Variants in PRLR observed in about 807,000 individuals in gnomAD.
PRLR encodes the protein hPRL receptor.
In PRLR, 13 loss-of-function variants were observed where a neutral mutation model predicts 40.2. That is an observed-to-expected ratio of 0.32 (90% CI 0.21 to 0.51). The LOEUF (loss-of-function observed/expected upper bound fraction) is 0.51. PRLR is among the 20% of genes least tolerant of loss of function. PRLR has a pLI of 0.97. For missense variants in PRLR, 656 were observed against 747.3 expected (o/e 0.88, Z 1.42); for synonymous variants, 269 against 278.7 (o/e 0.97, Z 0.35).
chr5:35,114,960 G>A (rs889703298), intron 2 of PRLR, among the ~76,000 whole-genome samples: 2 of 152,104 alleles, frequency 1.3e-5, no homozygotes, highest in African/African-American at 4.8e-5. Flanking sequence ...GGTGATGTTG[G>A]GCTGCACCTC....
At chr5:35,098,806 A>T (rs923917841) in intron 2 of PRLR, among the ~76,000 whole-genome samples, 2 of 152,210 alleles carry the variant, frequency 1.3e-5, no homozygotes, top group African/African-American at 4.8e-5. Context: ...CAGAATCATT[A>T]CAGAATCATG....
chr5:35,141,021 C>T (rs924871839), intron 1 of PRLR, among the ~76,000 whole-genome samples: 1 of 152,132 alleles, frequency 6.6e-6, no homozygotes, highest in Non-Finnish European at 1.5e-5. Context: ...TCTGGGAAAG[C>T]TCTTTCAAAC....
chr5:35,096,625 C>CTTT (rs563600576), intron 2 of PRLR, among the ~76,000 whole-genome samples: 11 of 145,046 alleles, frequency 7.6e-5, no homozygotes, highest in African/African-American at 2.8e-4. Flanking sequence ...TCTTTACTTT[C>CTTT]TTTTTTTTTT....
At chr5:35,072,087 G>C (rs1382366921) in intron 6 of PRLR, among the ~76,000 whole-genome samples, 1 of 149,908 alleles carries the variant, frequency 6.7e-6, no homozygotes, top group Non-Finnish European at 1.5e-5. Context: ...TAGTAGAGAT[G>C]GGGTTTCTTC....
intron 1 of PRLR, among the ~76,000 whole-genome samples, chr5:35,136,331 A>G (rs546011282): frequency 6.6e-5 from 10 of 152,358 alleles, no homozygotes; most frequent in African/African-American, 2.2e-4. Context: ...GACAATCTCT[A>G]GAAGAGGCTT....
At chr5:35,199,089 G>T (rs1775811660) in intron 1 of PRLR, among the ~76,000 whole-genome samples, 1 of 152,178 alleles carries the variant, frequency 6.6e-6, no homozygotes, top group South Asian at 2.1e-4. Context: ...AAGCAGGAAA[G>T]ACTAGGGAAA....
chr5:35,200,085 TA>T (rs1449036780), intron 1 of PRLR, among the ~76,000 whole-genome samples: 1 of 152,244 alleles, frequency 6.6e-6, no homozygotes, highest in Non-Finnish European at 1.5e-5. Flanking sequence ...CCGCACATTG[TA>T]ACCAGTTGGT....
intron 1 of PRLR, among the ~76,000 whole-genome samples, chr5:35,196,257 G>A (rs1561359887): frequency 2.0e-5 from 3 of 152,312 alleles, no homozygotes; most frequent in South Asian, 2.1e-4. Context: ...GCAGGGAGGT[G>A]ACACTAGGCT....
chr5:35,131,318 G>A (rs1773663218), intron 1 of PRLR, among the ~76,000 whole-genome samples: 1 of 152,114 alleles, frequency 6.6e-6, no homozygotes, highest in Non-Finnish European at 1.5e-5. Flanking sequence ...AACTCCAAAG[G>A]GGATGGCACT....
At chr5:35,221,083 G>A (rs1178478180) in intron 1 of PRLR, among the ~76,000 whole-genome samples, 2 of 152,138 alleles carry the variant, frequency 1.3e-5, no homozygotes, top group Admixed American at 6.5e-5. Flanking sequence ...GATTTCCAGG[G>A]TCTGAGAGGG....
At chr5:35,160,876 GTCTT>G (rs1774655157) in intron 1 of PRLR, among the ~76,000 whole-genome samples, 1 of 152,088 alleles carries the variant, frequency 6.6e-6, no homozygotes, top group Non-Finnish European at 1.5e-5. Context: ...CCCCTAAACT[GTCTT>G]TGAAAAACCA....
At chr5:35,171,885 A>G (rs1775006975) in intron 1 of PRLR, among the ~76,000 whole-genome samples, 1 of 152,188 alleles carries the variant, frequency 6.6e-6, no homozygotes, top group Admixed American at 6.5e-5. Flanking sequence ...CTTTTTGAAA[A>G]AAGTAAAAAC....
downstream of PRLR, among the ~76,000 whole-genome samples, chr5:35,052,325 T>G (rs1355476618): frequency 6.6e-6 from 1 of 152,174 alleles, no homozygotes; most frequent in Non-Finnish European, 1.5e-5. Context: ...AAGTTACACA[T>G]TAATTAACAG....
chr5:35,192,013 G>T (rs896168927), intron 1 of PRLR, among the ~76,000 whole-genome samples: 1 of 152,178 alleles, frequency 6.6e-6, no homozygotes, highest in African/African-American at 2.4e-5. Context: ...GCCCAGTTGG[G>T]TTCCAGGCCC....
chr5:35,138,291 C>T (rs923436641), intron 1 of PRLR, among the ~76,000 whole-genome samples: 3 of 152,046 alleles, frequency 2.0e-5, no homozygotes, highest in East Asian at 1.9e-4. Flanking sequence ...CAAAACAATC[C>T]GATATACTTA....
At chr5:35,087,896 C>A (rs540016862) in intron 3 of PRLR, among the ~76,000 whole-genome samples, 5 of 152,174 alleles carry the variant, frequency 3.3e-5, no homozygotes, top group Non-Finnish European at 4.4e-5. Context: ...AGCTGGATGC[C>A]CTAGCATTGA....
At chr5:35,125,411 C>A (rs888859900) in intron 1 of PRLR, among the ~76,000 whole-genome samples, 1 of 152,096 alleles carries the variant, frequency 6.6e-6, no homozygotes, top group African/African-American at 2.4e-5. Context: ...CAAGCTAGGG[C>A]TACACTAATA....
Position 35,068,821 on chromosome 5 carries a change from A to T in PRLR, c.743T>A (p.Ile248Asn). 2 of 1,553,828 alleles carry T rather than the reference A, an allele frequency of 1.3e-6. No individual in the cohort carries two copies. The highest frequency in any genetic ancestry group is 1.7e-6 in the Non-Finnish European group (2 of 1,148,658). Residue 248 changes from isoleucine (I) to asparagine (N), a missense_variant, in exon 8 of 10, where the codon ATC becomes AAC. Ile to Asn is a moderately radical substitution (Grantham distance 149). This residue lies in a region of PRLR where 469 missense variants were observed against 491.5 expected (regional missense o/e 0.95). Coordinates refer to ENST00000618457, the MANE Select transcript of PRLR (RefSeq NM_000949.7). Reference sequence around the variant, plus strand: ...CACTGCCCAGACAATAATCAAACAGATGACAGCAGAAAGGACAGCCACAGA... The same window carrying T: ...CACTGCCCAGACAATAATCAAACAGTTGACAGCAGAAAGGACAGCCACAGA... ...WISVAVLSAVICLIIVWAVAL... is the reference protein window; with the variant it reads ...WISVAVLSAVNCLIIVWAVAL...
At chr5:35,050,719 CT>C (rs1768465765), downstream of PRLR, among the ~76,000 whole-genome samples, 1 of 152,194 alleles carries the variant, frequency 6.6e-6, no homozygotes, top group African/African-American at 2.4e-5. Flanking sequence ...CCCCAGGCCT[CT>C]GTCAATAATA....
Sources: allele counts gnomAD v4.1 joint callset (sites outside exome capture counted in the v4.1 genomes callset), GRCh38; gene constraint gnomAD v4.1.1; regional missense constraint gnomAD v4.1.1; transcripts MANE v1.5; gene names NCBI Gene and HGNC (gene_info 2026-07-23, HGNC 2026-07-21).